LINGO2: variants seen among roughly 807,000 people sequenced by gnomAD.
LINGO2 encodes the protein leucine rich repeat and Ig domain containing 2.
LINGO2 carries 14 observed loss-of-function variants against 30.6 expected under a neutral mutation model. The observed-to-expected ratio is 0.46, with a 90% confidence interval of 0.30 to 0.72. LINGO2 has a LOEUF of 0.72. LINGO2 is among the 30% of genes least tolerant of loss of function. LINGO2 has a pLI of 0.07. For missense variants in LINGO2, 729 were observed against 751.7 expected (o/e 0.97, Z 0.35); for synonymous variants, 317 against 288.5 (o/e 1.10, Z -1.00).
intron 4 of LINGO2, among the ~76,000 whole-genome samples, chr9:28,267,896 C>A (rs895109984): frequency 1.3e-5 from 2 of 151,972 alleles, no homozygotes; most frequent in African/African-American, 4.8e-5. Flanking sequence ...CATGAGAAAG[C>A]TACATATTAA....
At chr9:28,501,074 A>G (rs901878303) in intron 1 of LINGO2, among the ~76,000 whole-genome samples, 3 of 152,130 alleles carry the variant, frequency 2.0e-5, no homozygotes, top group Non-Finnish European at 4.4e-5. Flanking sequence ...AATATTGCTA[A>G]AGGATATATA....
intron 1 of LINGO2, among the ~76,000 whole-genome samples, chr9:28,570,097 T>C (rs78699329): frequency 0.046 from 6,952 of 151,924 alleles, 187 homozygotes; most frequent in South Asian, 0.081. Context: ...AAAACAAATA[T>C]TTTTAAAACA....
intron 2 of LINGO2, among the ~76,000 whole-genome samples, chr9:28,452,322 G>A (rs918131032): frequency 5.3e-5 from 8 of 151,684 alleles, no homozygotes; most frequent in South Asian, 2.1e-4. Flanking sequence ...CAGCTTTCAC[G>A]AACTACATTT....
intron 3 of LINGO2, among the ~76,000 whole-genome samples, chr9:28,311,488 G>C (rs1824617598): frequency 6.6e-6 from 1 of 152,012 alleles, no homozygotes; most frequent in African/African-American, 2.4e-5. Context: ...CATAAAAGAT[G>C]GCCACCCCCA....
At chr9:27,960,846 T>C (rs557377111) in intron 5 of LINGO2, among the ~76,000 whole-genome samples, 2 of 152,258 alleles carry the variant, frequency 1.3e-5, no homozygotes, top group South Asian at 2.1e-4. Flanking sequence ...TGTTCCTGTC[T>C]TTTTCATTTC....
At chr9:29,108,439 C>T in the LINGO2 span, among the ~76,000 whole-genome samples, 65,314 of 151,912 alleles carry the variant, frequency 0.43, 14,224 homozygotes, top group East Asian at 0.54. Context: ...AAAGGAAATA[C>T]AGCAACTTGC....
rs114945341 is a variant in LINGO2 at position 28,164,329 on chromosome 9, A to T, written c.-87+130879T>A. On this transcript the variant is annotated intron_variant, in intron 4 of 5. Transcript: ENST00000379992. Reference sequence around the variant, plus strand: ...AAAATATAAGATGATTATAACAACTATATTAACAAAATATAAATTTGTCGA... The same window carrying T: ...AAAATATAAGATGATTATAACAACTTTATTAACAAAATATAAATTTGTCGA... 9.1e-3 allele frequency among the ~76,000 whole-genome samples: 1,384 copies of T among 152,338 alleles called. 15 individuals carry two copies. Among genetic ancestry groups the T allele is most frequent in the African/African-American group, 0.032 (1,327 of 41,574 alleles).
intron 5 of LINGO2, among the ~76,000 whole-genome samples, chr9:28,001,122 C>G (rs960242575): frequency 6.6e-6 from 1 of 152,128 alleles, no homozygotes; most frequent in South Asian, 2.1e-4. Context: ...TAATCTAGTA[C>G]AGAAGTTTCC....
intron 1 of LINGO2, among the ~76,000 whole-genome samples, chr9:28,570,528 G>T (rs546466158): frequency 6.6e-6 from 1 of 151,180 alleles, no homozygotes; most frequent in African/African-American, 2.4e-5. Flanking sequence ...TTTCTTTCTG[G>T]ATATTTGTTT....
chr9:28,053,460 G>T (rs1824771617), intron 4 of LINGO2, among the ~76,000 whole-genome samples: 1 of 152,080 alleles, frequency 6.6e-6, no homozygotes, highest in African/African-American at 2.4e-5. Context: ...AATGGTAGTT[G>T]TTTATTCACA....
the LINGO2 span, chr9:27,941,046 C>T: frequency 2.6e-5 from 4 of 152,184 alleles, no homozygotes; most frequent in African/African-American, 9.7e-5. Context: ...AATAAAAGCC[C>T]ACTGTTAGAG....
intron 4 of LINGO2, among the ~76,000 whole-genome samples, chr9:28,093,723 G>C (rs758809455): frequency 1.4e-4 from 22 of 151,988 alleles, no homozygotes; most frequent in African/African-American, 5.3e-4. Flanking sequence ...CTTGCCATTA[G>C]AGTGTCTTTC....
intron 4 of LINGO2, among the ~76,000 whole-genome samples, chr9:28,124,470 A>G (rs779808472): frequency 6.6e-6 from 1 of 152,212 alleles, no homozygotes. Context: ...CACATTTATA[A>G]TGATGCATAT....
the LINGO2 span, among the ~76,000 whole-genome samples, chr9:28,993,597 C>T: frequency 6.6e-6 from 1 of 150,734 alleles, no homozygotes; most frequent in Admixed American, 6.6e-5. Flanking sequence ...ACTTGATGAA[C>T]ATCAATGCGA....
At chr9:28,922,345 G>A in the LINGO2 span, among the ~76,000 whole-genome samples, 8 of 151,970 alleles carry the variant, frequency 5.3e-5, no homozygotes, top group Non-Finnish European at 5.9e-5. Context: ...TGATAAATTC[G>A]GAAGGGTACA....
the LINGO2 span, among the ~76,000 whole-genome samples, chr9:28,957,539 A>C: frequency 6.6e-6 from 1 of 152,134 alleles, no homozygotes; most frequent in African/African-American, 2.4e-5. Flanking sequence ...CTATCTCTTA[A>C]AGGTGAGGCT....
At chr9:28,884,141 A>T in the LINGO2 span, among the ~76,000 whole-genome samples, 1 of 151,804 alleles carries the variant, frequency 6.6e-6, no homozygotes, top group Admixed American at 6.6e-5. Flanking sequence ...AATTAGTTGA[A>T]CAAAGTATAA....
chr9:28,609,959 T>G (rs888832572), intron 1 of LINGO2, among the ~76,000 whole-genome samples: 11 of 152,146 alleles, frequency 7.2e-5, no homozygotes, highest in Admixed American at 3.3e-4. Context: ...CATATTATCA[T>G]GTATTGTTAA....
intron 3 of LINGO2, among the ~76,000 whole-genome samples, chr9:28,308,775 A>C (rs1176384235): frequency 6.6e-6 from 1 of 152,110 alleles, no homozygotes; most frequent in Non-Finnish European, 1.5e-5. Context: ...GGTGAAGGAC[A>C]TGAACAGACT....
Sources: gnomAD v4.1 joint callset for allele counts (sites outside exome capture counted in the v4.1 genomes callset) on GRCh38, gnomAD v4.1.1 for gene constraint, MANE v1.5 for transcripts, NCBI Gene and HGNC (gene_info 2026-07-23, HGNC 2026-07-21) for gene names.